The following PICALM variants were observed in gnomAD, a reference collection of about 807,000 sequenced individuals.
PICALM encodes phosphatidylinositol-binding clathrin assembly protein.
PICALM carries 40 observed loss-of-function variants against 80.5 expected under a neutral mutation model. That is an observed-to-expected ratio of 0.50 (90% CI 0.39 to 0.65). The LOEUF (loss-of-function observed/expected upper bound fraction) is 0.65. PICALM is among the 30% of genes least tolerant of loss of function. The pLI is 0.00. For missense variants in PICALM, 676 were observed against 778.9 expected (o/e 0.87, Z 1.57); for synonymous variants, 288 against 260.3 (o/e 1.11, Z -1.02).
intron 7 of PICALM, among the ~76,000 whole-genome samples, chr11:86,007,881 C>G (rs2095310819): frequency 6.6e-6 from 1 of 151,878 alleles, no homozygotes; most frequent in Non-Finnish European, 1.5e-5. Flanking sequence ...AAACTCCCCT[C>G]TCTTCTATGT....
At position 86,012,392 on chromosome 11, in the gene PICALM, C is replaced by T. The variant is rs1273658262; in HGVS notation, c.547G>A (p.Val183Ile). Residue 183 changes from valine (V) to isoleucine (I), a missense_variant and splice_region_variant, in exon 6 of 20, where the codon GTT becomes ATT. By Grantham distance (29) the Val-to-Ile change is conservative. This residue lies in a region of PICALM where 285 missense variants were observed against 395.4 expected (regional missense o/e 0.72). Coordinates refer to ENST00000393346, the MANE Select transcript of PICALM (RefSeq NM_007166.4). ...NQMDALLDFN[V>I]NSNELTNGVI... ...CCATTTGTAAGTTCATTGCTATTAA[C>T]CTAGGGAAAAATTGGAAAATAAAAT... 6.4e-7 allele frequency: 1 copy of T among 1,566,316 alleles called. No homozygotes were observed. Among genetic ancestry groups the T allele is most frequent in the East Asian group, 2.3e-5 (1 of 44,368 alleles).
rs1015281374 is a variant in PICALM, at chr11:85,965,812, T to G, written c.1945-6752A>C. On this transcript the variant is annotated intron_variant, in intron 19 of 19. Transcript: ENST00000393346. The stretch of plus-strand genomic sequence containing the variant: ...TTGAATGCATTACCCATTTTGTTTT[T>G]TTGTTTTTTTTTTTTTTTTTTTTTT... Among the ~76,000 whole-genome samples, 7 of 60,640 alleles carry G rather than the reference T, an allele frequency of 1.2e-4. No individual in the cohort carries two copies. The South Asian group carries it at 2.5e-3, about 21-fold the overall frequency. 39.8% of individuals were successfully genotyped at this position (60,640 alleles called of 152,430 possible).
chr11:86,052,125 T>A (rs774750740), intron 1 of PICALM, among the ~76,000 whole-genome samples: 2 of 152,200 alleles, frequency 1.3e-5, no homozygotes, highest in Non-Finnish European at 2.9e-5. Flanking sequence ...CAGGACCAGG[T>A]GGAGATAACT....
intron 1 of PICALM, among the ~76,000 whole-genome samples, chr11:86,065,144 G>A (rs2096427078): frequency 6.6e-6 from 1 of 151,886 alleles, no homozygotes; most frequent in South Asian, 2.1e-4. Flanking sequence ...ATATTAAGAA[G>A]TTATAAATTA....
intron 14 of PICALM, 77 bp from the exon 15 acceptor site, chr11:85,982,080 CT>C (rs2094456278): frequency 4.6e-6 from 6 of 1,301,676 alleles, no homozygotes; most frequent in Non-Finnish European, 6.6e-6. Context: ...AGGTCTTTGC[CT>C]TTTCTCCTTG....
chr11:85,998,392 T>C (rs1177022131), intron 11 of PICALM, among the ~76,000 whole-genome samples: 2 of 151,398 alleles, frequency 1.3e-5, no homozygotes, highest in Non-Finnish European at 2.9e-5. Context: ...ATTACAGGCA[T>C]GAGCCACCAT....
chr11:86,043,815 A>G (rs537504463), intron 1 of PICALM, among the ~76,000 whole-genome samples: 1 of 152,194 alleles, frequency 6.6e-6, no homozygotes, highest in South Asian at 2.1e-4. Flanking sequence ...AGGAATCCAG[A>G]AGATTTTTCA....
At chr11:86,004,093 A>G (rs904231467) in intron 8 of PICALM, among the ~76,000 whole-genome samples, 1 of 152,182 alleles carries the variant, frequency 6.6e-6, no homozygotes, top group East Asian at 1.9e-4. Flanking sequence ...TATTTACCCC[A>G]AAGAGATAAA....
chr11:85,976,250 A>C (rs975471424), intron 18 of PICALM, among the ~76,000 whole-genome samples: 2 of 152,220 alleles, frequency 1.3e-5, no homozygotes, highest in Admixed American at 6.5e-5. Flanking sequence ...GACTAAATTT[A>C]TCTCTATACA....
In PICALM at chr11:85,982,004, C is replaced by CT; in HGVS notation, c.1517-2dup. The CT allele has an allele frequency of 6.2e-7, 1 of 1,613,042 alleles. No individual in the cohort carries two copies. The highest frequency in any genetic ancestry group is 1.1e-5 in the South Asian group (1 of 91,034). On this transcript the variant is annotated splice_acceptor_variant, in intron 14 of 19. Transcript: ENST00000393346. LOFTEE classifies it high-confidence loss of function. Reference sequence around the variant, plus strand: ...AGAAGTCCACCTAGTTCATCAAAGCCTTAAAGTTACAAACAGACGAAATAG... The same window carrying CT: ...AGAAGTCCACCTAGTTCATCAAAGCCTTTAAAGTTACAAACAGACGAAATAG...
intron 16 of PICALM, 28 bp from the exon 17 acceptor site, chr11:85,981,256 A>G (rs1426842305): frequency 1.7e-6 from 2 of 1,170,140 alleles, no homozygotes; most frequent in East Asian, 4.7e-5. Context: ...TGAGAATATT[A>G]AATGTCTCTA....
chr11:86,064,310 A>T (rs1316144816), intron 1 of PICALM, among the ~76,000 whole-genome samples: 1 of 152,220 alleles, frequency 6.6e-6, no homozygotes, highest in Non-Finnish European at 1.5e-5. Flanking sequence ...AGAAAAGATA[A>T]GGCAGTGGTT....
intron 11 of PICALM, among the ~76,000 whole-genome samples, chr11:85,997,439 C>G (rs1443409982): frequency 6.6e-6 from 1 of 152,118 alleles, no homozygotes; most frequent in Non-Finnish European, 1.5e-5. Flanking sequence ...TAGAGCCACC[C>G]CATCACACAA....
intron 4 of PICALM, among the ~76,000 whole-genome samples, chr11:86,017,731 TATAA>T (rs1325349654): frequency 6.6e-6 from 1 of 152,234 alleles, no homozygotes; most frequent in East Asian, 1.9e-4. Context: ...TAGTCTCTTG[TATAA>T]ATAGTTAACA....
intron 19 of PICALM, chr11:85,969,762 T>G (rs887277309): frequency 1.5e-5 from 4 of 260,164 alleles, no homozygotes; most frequent in African/African-American, 9.1e-5. Flanking sequence ...TAAGTGATCC[T>G]CCTACCTCAG....
intron 12 of PICALM, among the ~76,000 whole-genome samples, chr11:85,996,517 T>A (rs1167147851): frequency 2.6e-5 from 4 of 152,082 alleles, no homozygotes; most frequent in Admixed American, 2.6e-4. Context: ...CCACCATGCA[T>A]TTTCTGGTTA....
chr11:86,003,491 G>A, intron 8 of PICALM, 40 bp from the exon 9 acceptor site: 4 of 1,280,006 alleles, frequency 3.1e-6, no homozygotes, highest in Non-Finnish European at 4.4e-6. Context: ...TGATAATTAG[G>A]CCACTGGTCA....
chr11:86,018,760 G>A (rs959512855), intron 4 of PICALM, among the ~76,000 whole-genome samples: 3 of 152,014 alleles, frequency 2.0e-5, no homozygotes, highest in Non-Finnish European at 2.9e-5. Context: ...ATTGTGGCGG[G>A]CACCTGTAGT....
At chr11:86,061,986 T>C (rs2096373780) in intron 1 of PICALM, among the ~76,000 whole-genome samples, 2 of 151,974 alleles carry the variant, frequency 1.3e-5, no homozygotes, top group Admixed American at 6.6e-5. Context: ...AAACGCATAT[T>C]AGTACGTGAA....
Sources: gnomAD v4.1 joint callset for allele counts (sites outside exome capture counted in the v4.1 genomes callset) on GRCh38, gnomAD v4.1.1 for gene constraint, gnomAD v4.1.1 regional missense constraint, MANE v1.5 for transcripts, NCBI Gene and HGNC (gene_info 2026-07-23, HGNC 2026-07-21) for gene names.